RGL1: variants seen among roughly 807,000 people sequenced by gnomAD.
The protein encoded by RGL1 is ral guanine nucleotide dissociation stimulator like 1, also known as ral guanine nucleotide dissociation stimulator-like 1.
A neutral mutation model predicts 95.2 loss-of-function variants in RGL1; 24 were observed. The observed-to-expected ratio is 0.25, with a 90% confidence interval of 0.18 to 0.35. The LOEUF (loss-of-function observed/expected upper bound fraction) is 0.35. Ranked by LOEUF, RGL1 falls within the 10% of genes least tolerant of loss-of-function variation. The pLI, the probability that RGL1 is intolerant of heterozygous loss-of-function variation, is 1.00. For synonymous variants in RGL1, 329 were observed against 344.9 expected (o/e 0.95, Z 0.51); for missense variants, 715 against 936.3 (o/e 0.76, Z 3.08).
intron 1 of RGL1, among the ~76,000 whole-genome samples, chr1:183,704,460 A>G (rs191308952): frequency 9.8e-5 from 15 of 152,316 alleles, no homozygotes; most frequent in Middle Eastern, 3.4e-3. Flanking sequence ...ATTGGCTTCA[A>G]TAGTGTGTGG....
intron 1 of RGL1, among the ~76,000 whole-genome samples, chr1:183,723,861 A>G (rs1304502299): frequency 2.6e-5 from 4 of 152,148 alleles, no homozygotes; most frequent in Non-Finnish European, 5.9e-5. Context: ...TCCTTCCCCA[A>G]ACCCACGCAG....
At position 183,724,053 on chromosome 1, in the gene RGL1, C is replaced by G. The variant is rs920796058; in HGVS notation, c.-32-18073C>G. 6.6e-6 allele frequency among the ~76,000 whole-genome samples: 1 copy of G among 152,172 alleles called. No individual in the cohort carries two copies. ...CCCAGATAACATTACTAGACACACCCTGGGCCAGAAGCAAACTCATTGCCT... is the reference window on the plus strand; with the variant it reads ...CCCAGATAACATTACTAGACACACCGTGGGCCAGAAGCAAACTCATTGCCT... On this transcript the variant is annotated intron_variant, in intron 1 of 18. Coordinates refer to the RGL1 transcript ENST00000304685. The surrounding 1 kb of genome is among the most constrained non-coding windows in gnomAD (Gnocchi z 4.1).
chr1:183,679,333 A>C (rs1653041982), intron 1 of RGL1, among the ~76,000 whole-genome samples: 1 of 151,964 alleles, frequency 6.6e-6, no homozygotes, highest in South Asian at 2.1e-4. Context: ...GGTTTCCTGC[A>C]CCTATCAACC....
At chr1:183,653,272 T>C (rs1315909878) in intron 1 of RGL1, 2 of 152,262 alleles carry the variant, frequency 1.3e-5, no homozygotes, top group East Asian at 1.9e-4. Context: ...CTGTTCCAAG[T>C]TAGAAAGCCC....
chr1:183,735,322 G>T (rs569230887), intron 1 of RGL1, among the ~76,000 whole-genome samples: 1 of 152,170 alleles, frequency 6.6e-6, no homozygotes, highest in African/African-American at 2.4e-5. Context: ...TTTGAAAATG[G>T]TTGCCCAATG....
rs973127459 is a variant in RGL1, at chr1:183,650,144, A to G, written c.-33+13643A>G. On this transcript the variant is annotated intron_variant, in intron 1 of 18. Coordinates refer to the RGL1 transcript ENST00000304685. ...CACTATTAACATGTCTATTCCCTCC[A>G]GTCTTTTTGCTATATGTGTATGTTA... Among the ~76,000 whole-genome samples the G allele has an allele frequency of 5.7e-4, 87 of 152,146 alleles. 1 individual carries two copies. Among genetic ancestry groups the G allele is most frequent in the African/African-American group, 2.0e-3 (83 of 41,420 alleles).
Position 183,926,139 on chromosome 1 carries a change from T to C in RGL1, c.2154T>C (p.Tyr718=). 4.3e-6 allele frequency: 7 copies of C among 1,614,066 alleles called. No individual in the cohort carries two copies. The highest frequency in any genetic ancestry group is 5.9e-6 in the Non-Finnish European group (7 of 1,179,954). Reference sequence around the variant, plus strand: ...TTCCAGACTCAGCAAATGTCTTTTATGCCATGAACAGCCAAGTGAACTTTG... The same window carrying C: ...TTCCAGACTCAGCAAATGTCTTTTACGCCATGAACAGCCAAGTGAACTTTG... ...LVIPDSANVF[Y]AMNSQVNFDF... is the part of the protein sequence containing the mutation. Residue 718 remains tyrosine (Y), a synonymous_variant, in exon 18 of 18, where the codon TAT becomes TAC. Coordinates refer to ENST00000360851, the MANE Select transcript of RGL1 (RefSeq NM_001297671.3).
intron 4 of RGL1, among the ~76,000 whole-genome samples, chr1:183,874,584 T>G (rs1666376705): frequency 6.6e-6 from 1 of 152,010 alleles, no homozygotes; most frequent in Admixed American, 6.5e-5. Context: ...TAAATCTGAC[T>G]CTGGCTTTGT....
chr1:183,659,545 T>C (rs1381140892), intron 1 of RGL1, among the ~76,000 whole-genome samples: 1 of 151,874 alleles, frequency 6.6e-6, no homozygotes, highest in Non-Finnish European at 1.5e-5. Context: ...CTCCAAGAAA[T>C]ATGGGACTAT....
chr1:183,686,987 T>G (rs1369668347), intron 1 of RGL1, among the ~76,000 whole-genome samples: 1 of 152,088 alleles, frequency 6.6e-6, no homozygotes. Context: ...TAACCTTTGG[T>G]TTTTCTCTTC....
intron 7 of RGL1, among the ~76,000 whole-genome samples, chr1:183,886,649 C>CT (rs912035150): frequency 1.5e-4 from 22 of 151,230 alleles, no homozygotes; most frequent in African/African-American, 4.4e-4. Context: ...AGGGCTCTTA[C>CT]TTTTTTTTTG....
chr1:183,699,733 C>T (rs1299709723), intron 1 of RGL1, among the ~76,000 whole-genome samples: 2 of 152,116 alleles, frequency 1.3e-5, no homozygotes, highest in African/African-American at 4.8e-5. Flanking sequence ...TTGCTTTGTT[C>T]TAATACTCTG....
intron 2 of RGL1, among the ~76,000 whole-genome samples, chr1:183,840,329 A>G (rs1663961613): frequency 6.6e-6 from 1 of 152,196 alleles, no homozygotes; most frequent in Admixed American, 6.5e-5. Flanking sequence ...CTTGGGAAGG[A>G]GGAATCCTGG....
chr1:183,753,391 C>T (rs1440332759), intron 2 of RGL1, among the ~76,000 whole-genome samples: 1 of 152,018 alleles, frequency 6.6e-6, no homozygotes, highest in Non-Finnish European at 1.5e-5. Flanking sequence ...ACATATTTGT[C>T]AAGAACTGTG....
At chr1:183,801,102 AG>A (rs1160302395), upstream of RGL1, among the ~76,000 whole-genome samples, 6 of 151,394 alleles carry the variant, frequency 4.0e-5, no homozygotes, top group African/African-American at 1.5e-4. Context: ...ACAGTGCACA[AG>A]GGTTCCAATT....
chr1:183,835,552 C>G (rs907973694), intron 2 of RGL1, among the ~76,000 whole-genome samples: 77 of 152,236 alleles, frequency 5.1e-4, no homozygotes, highest in African/African-American at 1.7e-3. Flanking sequence ...GACTCTTAGA[C>G]TAAATTTACT....
chr1:183,698,336 T>C (rs975298226), intron 1 of RGL1, among the ~76,000 whole-genome samples: 13 of 152,226 alleles, frequency 8.5e-5, no homozygotes, highest in Non-Finnish European at 4.4e-5. Flanking sequence ...TATTCACTCT[T>C]CCCTGTTTAG....
intron 2 of RGL1, among the ~76,000 whole-genome samples, chr1:183,750,243 A>C (rs1657909822): frequency 6.6e-6 from 1 of 152,150 alleles, no homozygotes; most frequent in African/African-American, 2.4e-5. Context: ...TATTCTTTGG[A>C]GGCTTTGTTC....
chr1:183,703,029 C>G (rs1654696583), intron 1 of RGL1, among the ~76,000 whole-genome samples: 1 of 152,174 alleles, frequency 6.6e-6, no homozygotes. Context: ...TGTCTTCCGG[C>G]CAGTTCTCTT....
Sources: allele counts gnomAD v4.1 joint callset (sites outside exome capture counted in the v4.1 genomes callset), GRCh38; gene constraint gnomAD v4.1.1; non-coding constraint Gnocchi (gnomAD v3.1); transcripts MANE v1.5; gene names NCBI Gene and HGNC (gene_info 2026-07-23, HGNC 2026-07-21).